SNTB1: variants seen among roughly 807,000 people sequenced by gnomAD.
SNTB1 encodes syntrophin beta 1.
A neutral mutation model predicts 48.9 loss-of-function variants in SNTB1; 36 were observed. The ratio of observed to expected loss-of-function variants is 0.74; its 90% CI spans 0.56 to 0.97. SNTB1 has a LOEUF of 0.97. Ranked by LOEUF, SNTB1 falls within the 50% of genes least tolerant of loss-of-function variation. The pLI is 0.00. For synonymous variants in SNTB1, 299 were observed against 294.6 expected, an observed-to-expected ratio of 1.01 and a Z score of -0.15; for missense variants, 786 against 703.4, an observed-to-expected ratio of 1.12 and a Z score of -1.33.
intron 1 of SNTB1, among the ~76,000 whole-genome samples, chr8:120,792,129 A>G (rs1004456838): frequency 1.8e-4 from 27 of 151,746 alleles, no homozygotes; most frequent in African/African-American, 6.3e-4. Flanking sequence ...ACCCACACAC[A>G]CATACATACA....
chr8:120,586,678 A>C (rs1045542587), intron 3 of SNTB1, among the ~76,000 whole-genome samples: 2 of 152,158 alleles, frequency 1.3e-5, no homozygotes, highest in Non-Finnish European at 2.9e-5. Context: ...AACACATCAC[A>C]GGTTCTGGGG....
chr8:120,638,767 G>C (rs1245584003), intron 2 of SNTB1, among the ~76,000 whole-genome samples: 3 of 152,162 alleles, frequency 2.0e-5, no homozygotes, highest in Admixed American at 6.6e-5. Flanking sequence ...GTATTCCATG[G>C]TGTATATGTG....
intron 2 of SNTB1, among the ~76,000 whole-genome samples, chr8:120,644,847 T>C (rs1003171785): frequency 9.9e-5 from 15 of 152,010 alleles, no homozygotes; most frequent in African/African-American, 3.6e-4. Flanking sequence ...TTTTTAATGA[T>C]TGCCATTCTA....
chr8:120,742,706 C>T (rs1310735214), intron 1 of SNTB1, among the ~76,000 whole-genome samples: 1 of 152,158 alleles, frequency 6.6e-6, no homozygotes, highest in Admixed American at 6.5e-5. Context: ...TTGCCTCTTA[C>T]AGTAAGACAT....
At chr8:120,612,302 T>A (rs1816639600) in intron 3 of SNTB1, among the ~76,000 whole-genome samples, 1 of 152,208 alleles carries the variant, frequency 6.6e-6, no homozygotes, top group African/African-American at 2.4e-5. Context: ...ATTACATCCC[T>A]TTCACAGATA....
chr8:120,545,393 G>T (rs1815364391), intron 5 of SNTB1, among the ~76,000 whole-genome samples: 1 of 152,110 alleles, frequency 6.6e-6, no homozygotes, highest in African/African-American at 2.4e-5. Flanking sequence ...GCACCCTGGC[G>T]TTATACGACT....
intron 3 of SNTB1, among the ~76,000 whole-genome samples, chr8:120,613,678 T>C (rs190943462): frequency 3.3e-4 from 51 of 152,346 alleles, no homozygotes; most frequent in East Asian, 1.3e-3. Flanking sequence ...ATGGCATTCT[T>C]TGTTTCTGTC....
chr8:120,644,359 G>A (rs1817246895), intron 2 of SNTB1, among the ~76,000 whole-genome samples: 2 of 126,120 alleles, frequency 1.6e-5, no homozygotes, highest in Non-Finnish European at 3.1e-5. Context: ...TCCCCTTCCT[G>A]TGTCCATGTG....
At chr8:120,742,309 T>C (rs60631202) in intron 1 of SNTB1, among the ~76,000 whole-genome samples, 2 of 152,080 alleles carry the variant, frequency 1.3e-5, no homozygotes, top group Admixed American at 1.3e-4. Flanking sequence ...CCATTGATTC[T>C]AAAAGCAATA....
At position 120,700,156 on chromosome 8, in the gene SNTB1, C is replaced by CGTGTGTGTGT. The variant is rs58077307; in HGVS notation, c.572-6258_572-6249dup. ...TGATTCTCGCTCTGAAAAAAAATTG[C>CGTGTGTGTGT]GTGTGTGTGTGTGTGTGTGTGTTTG... On this transcript the variant is annotated intron_variant, in intron 1 of 6. Transcript: ENST00000517992. 1.8e-3 allele frequency among the ~76,000 whole-genome samples: 262 copies of CGTGTGTGTGT among 149,270 alleles called. 3 individuals are homozygous for CGTGTGTGTGT. The highest frequency in any genetic ancestry group is 0.011 in the South Asian group (51 of 4,710).
intron 3 of SNTB1, among the ~76,000 whole-genome samples, chr8:120,577,621 T>A (rs182563160): frequency 6.6e-6 from 1 of 152,328 alleles, no homozygotes; most frequent in Admixed American, 6.5e-5. Flanking sequence ...CTAGCTTACT[T>A]ACCTAGTCAG....
rs565735435 is a variant in SNTB1, at chr8:120,689,004, G to A, written c.788+4688C>T. 3.8e-3 allele frequency among the ~76,000 whole-genome samples: 586 copies of A among 152,274 alleles called. 2 individuals carry two copies. Among genetic ancestry groups the A allele is most frequent in the Non-Finnish European group, 6.8e-3 (463 of 68,018 alleles). On this transcript the variant is annotated intron_variant, in intron 2 of 6. Coordinates refer to ENST00000517992, the MANE Select transcript of SNTB1 (RefSeq NM_021021.4). ...CTGGCTCAGGGCAGTGGCTGTGAAG[G>A]CAAAGAGCTGAATATGAAAAACAAG... is the stretch of plus-strand genomic sequence containing the variant.
At chr8:120,764,981 T>C (rs1819493226) in intron 1 of SNTB1, among the ~76,000 whole-genome samples, 1 of 152,204 alleles carries the variant, frequency 6.6e-6, no homozygotes, top group East Asian at 1.9e-4. Flanking sequence ...ATCCTAGCAC[T>C]CCAGGAGGCC....
intron 2 of SNTB1, among the ~76,000 whole-genome samples, chr8:120,663,109 G>A (rs376626834): frequency 5.1e-4 from 78 of 152,136 alleles, no homozygotes; most frequent in Non-Finnish European, 6.9e-4. Flanking sequence ...TTAGAATGTC[G>A]TTAACAGAGC....
intron 1 of SNTB1, among the ~76,000 whole-genome samples, chr8:120,715,898 A>C (rs1818547542): frequency 6.6e-6 from 1 of 152,166 alleles, no homozygotes; most frequent in Non-Finnish European, 1.5e-5. Flanking sequence ...GGAACTGGAG[A>C]TTCTGGAGGA....
At position 120,723,072 on chromosome 8, in the gene SNTB1, A is replaced by T. The variant is rs1267234970; in HGVS notation, c.572-29164T>A. ...GGTTTGTCAAAGATCAGATGGTTGT[A>T]GATGTGCGGTGTTATTTCTGAGTCC... On this transcript the variant is annotated intron_variant, in intron 1 of 6. Coordinates refer to ENST00000517992, the MANE Select transcript of SNTB1 (RefSeq NM_021021.4). Among the ~76,000 whole-genome samples the T allele has an allele frequency of 1.3e-5, 2 of 152,312 alleles. 1 individual carries two copies. Among genetic ancestry groups the T allele is most frequent in the Admixed American group, 1.3e-4 (2 of 15,284 alleles).
chr8:120,711,945 T>A (rs1331433872), intron 1 of SNTB1, among the ~76,000 whole-genome samples: 1 of 152,160 alleles, frequency 6.6e-6, no homozygotes, highest in African/African-American at 2.4e-5. Flanking sequence ...TTTAAGAAAG[T>A]CCACCCACAT....
At chr8:120,739,747 C>A (rs187439648) in intron 1 of SNTB1, among the ~76,000 whole-genome samples, 13 of 152,282 alleles carry the variant, frequency 8.5e-5, no homozygotes, top group Non-Finnish European at 1.3e-4. Flanking sequence ...CTGACATTTA[C>A]CTCAACTACT....
intron 1 of SNTB1, among the ~76,000 whole-genome samples, chr8:120,696,457 A>G (rs1351582301): frequency 6.6e-6 from 1 of 152,224 alleles, no homozygotes; most frequent in Non-Finnish European, 1.5e-5. Context: ...ATACTTAATG[A>G]TGTGCCAAGT....
Sources: allele counts gnomAD v4.1 joint callset (sites outside exome capture counted in the v4.1 genomes callset), GRCh38; gene constraint gnomAD v4.1.1; transcripts MANE v1.5; gene names NCBI Gene and HGNC (gene_info 2026-07-23, HGNC 2026-07-21).